RARB: variants seen among roughly 807,000 people sequenced by gnomAD.
RARB encodes HBV-activated protein.
Under a neutral mutation model 51.9 loss-of-function variants are expected in RARB, and 17 were observed. The ratio of observed to expected loss-of-function variants is 0.33; its 90% confidence interval spans 0.22 to 0.49. The LOEUF is 0.49. Among genes scored for constraint, RARB ranks in the 20% least tolerant of loss-of-function variants. RARB has a pLI of 0.99. For synonymous variants in RARB, 215 were observed against 195.4 expected, an observed-to-expected ratio of 1.10 and a Z score of -0.84; for missense variants, 369 against 550.8, an observed-to-expected ratio of 0.67 and a Z score of 3.30.
rs75271985 is a variant in RARB at position 25,252,214 on chromosome 3, A to T, written c.178+77639A>T. Among the ~76,000 whole-genome samples, 10 of 152,248 alleles carry T rather than the reference A, an allele frequency of 6.6e-5. No homozygotes were observed. The South Asian group carries it at 2.1e-3, about 32-fold the overall frequency. On this transcript the variant is annotated intron_variant, in intron 5 of 11. Transcript: ENST00000383772. ...GACTACACATCTATTTCTTTGATCT[A>T]TATGTCTATTCTTAGCCCACTGTCT...
At chr3:25,207,308 C>G (rs779528382) in intron 5 of RARB, among the ~76,000 whole-genome samples, 5 of 152,096 alleles carry the variant, frequency 3.3e-5, no homozygotes, top group Non-Finnish European at 7.4e-5. Flanking sequence ...TTTCAGATCA[C>G]GTATCTTCTT....
At chr3:25,154,449 C>CG (rs1559485186) in intron 4 of RARB, among the ~76,000 whole-genome samples, 2 of 152,290 alleles carry the variant, frequency 1.3e-5, no homozygotes, top group South Asian at 2.1e-4. Flanking sequence ...TTCATCATGG[C>CG]GGAGACCAAA....
chr3:25,500,551 C>G (rs1176938184), intron 2 of RARB, among the ~76,000 whole-genome samples: 1 of 145,400 alleles, frequency 6.9e-6, no homozygotes, highest in Non-Finnish European at 1.5e-5. Flanking sequence ...ACAATCTCAG[C>G]TCACTGCAAC....
chr3:25,027,604 C>T (rs1482160772), intron 2 of RARB, among the ~76,000 whole-genome samples: 1 of 106,514 alleles, frequency 9.4e-6, no homozygotes, highest in Admixed American at 9.7e-5. Flanking sequence ...AGAAGGTACA[C>T]TTTATGGAAA....
intron 5 of RARB, among the ~76,000 whole-genome samples, chr3:25,243,812 A>G (rs1331820434): frequency 1.3e-5 from 2 of 152,218 alleles, no homozygotes; most frequent in African/African-American, 4.8e-5. Flanking sequence ...TATCAGGATG[A>G]TGCTGGCCTC....
At chr3:25,417,742 T>TTTC (rs1454838820) in intron 5 of RARB, among the ~76,000 whole-genome samples, 1 of 152,236 alleles carries the variant, frequency 6.6e-6, no homozygotes, top group African/African-American at 2.4e-5. Flanking sequence ...AAATACTATC[T>TTTC]TTCTTCTTCT....
chr3:25,127,396 G>C (rs567034469), intron 3 of RARB, among the ~76,000 whole-genome samples: 2 of 152,168 alleles, frequency 1.3e-5, no homozygotes, highest in Admixed American at 1.3e-4. Flanking sequence ...TCTCTGAAAA[G>C]CCTTTCCCAT....
chr3:25,500,559 A>G (rs182690408), intron 2 of RARB, among the ~76,000 whole-genome samples: 1 of 145,482 alleles, frequency 6.9e-6, no homozygotes, highest in Non-Finnish European at 1.5e-5. Context: ...AGCTCACTGC[A>G]ACCTCTGCCT....
intron 2 of RARB, chr3:25,020,036 G>A (rs73144926): frequency 1.8e-3 from 269 of 151,926 alleles, no homozygotes; most frequent in African/African-American, 5.9e-3. Flanking sequence ...ATATGAGTAA[G>A]TATAAGTTGG....
chr3:25,291,172 T>C (rs75262580), intron 5 of RARB, among the ~76,000 whole-genome samples: 5,870 of 152,278 alleles, frequency 0.039, 157 homozygotes, highest in Middle Eastern at 0.071. Context: ...ATCCATCTGC[T>C]TCACAAAAAT....
chr3:25,591,894 T>C (rs1701627218), intron 5 of RARB, among the ~76,000 whole-genome samples: 1 of 152,184 alleles, frequency 6.6e-6, no homozygotes, highest in African/African-American at 2.4e-5. Context: ...CACTGCCTTC[T>C]TGGAGATTTA....
At chr3:24,836,928 G>A (rs1702352608) in intron 1 of RARB, among the ~76,000 whole-genome samples, 1 of 152,158 alleles carries the variant, frequency 6.6e-6, no homozygotes, top group Non-Finnish European at 1.5e-5. Context: ...TATTTATTGA[G>A]CATCTACCAG....
chr3:25,018,408 A>G (rs1187684117), intron 2 of RARB, among the ~76,000 whole-genome samples: 3 of 152,188 alleles, frequency 2.0e-5, no homozygotes, highest in African/African-American at 7.2e-5. Context: ...GGAATCAAAT[A>G]TGGCAATGGA....
chr3:25,172,470 T>C (rs2125352267), intron 4 of RARB, among the ~76,000 whole-genome samples: 1 of 152,310 alleles, frequency 6.6e-6, no homozygotes, highest in East Asian at 1.9e-4. Flanking sequence ...TCACATATGG[T>C]AAATAGTCAA....
Position 25,278,856 on chromosome 3 carries a change from G to A in RARB, c.178+104281G>A, listed in dbSNP as rs377475586. Among the ~76,000 whole-genome samples the A allele has an allele frequency of 8.7e-4, 132 of 152,220 alleles. 2 individuals carry two copies. In the South Asian group the frequency reaches 0.027, roughly 31 times the overall value. On this transcript the variant is annotated intron_variant, in intron 5 of 11. Coordinates refer to the RARB transcript ENST00000383772. ...GAGCTAAGAAGGCTTTTGTAGATTTGGGGAGCTCTTGAGGTAGGTGGCTGT... is the reference window on the plus strand; with the variant it reads ...GAGCTAAGAAGGCTTTTGTAGATTTAGGGAGCTCTTGAGGTAGGTGGCTGT...
At chr3:24,835,653 C>A (rs1294107104) in intron 1 of RARB, among the ~76,000 whole-genome samples, 1 of 152,190 alleles carries the variant, frequency 6.6e-6, no homozygotes, top group Non-Finnish European at 1.5e-5. Flanking sequence ...AATTCAGATC[C>A]TCTTAACTGC....
At chr3:25,147,816 G>A (rs1269917611) in intron 4 of RARB, among the ~76,000 whole-genome samples, 4 of 152,166 alleles carry the variant, frequency 2.6e-5, no homozygotes. Context: ...TGAGACTTAA[G>A]CTGAAACCTG....
chr3:24,870,801 A>G (rs73823007), intron 2 of RARB, among the ~76,000 whole-genome samples: 5 of 152,240 alleles, frequency 3.3e-5, no homozygotes, highest in East Asian at 1.9e-4. Flanking sequence ...CAATGTTTCT[A>G]TATAGGCATA....
At chr3:25,290,880 C>T (rs928807452) in intron 5 of RARB, among the ~76,000 whole-genome samples, 6 of 152,172 alleles carry the variant, frequency 3.9e-5, no homozygotes, top group African/African-American at 1.4e-4. Context: ...TTGACCCAGC[C>T]ATAATGTTTT....
Sources: gnomAD v4.1 joint callset for allele counts (sites outside exome capture counted in the v4.1 genomes callset) on GRCh38, gnomAD v4.1.1 for gene constraint, MANE v1.5 for transcripts, NCBI Gene and HGNC (gene_info 2026-07-23, HGNC 2026-07-21) for gene names.